The following ANKS1B variants were observed in gnomAD, a reference collection of about 807,000 sequenced individuals.
ANKS1B encodes ankyrin repeat and sterile alpha motif domain containing 1B.
In ANKS1B, 36 loss-of-function variants were observed where a neutral mutation model predicts 148.3. The observed-to-expected ratio is 0.24, with a 90% CI of 0.19 to 0.32. ANKS1B has a LOEUF of 0.32. Ranked by LOEUF, ANKS1B falls within the 10% of genes least tolerant of loss-of-function variation. ANKS1B has a pLI of 1.00. For synonymous variants in ANKS1B, 542 were observed against 560.8 expected (o/e 0.97, Z 0.47); for missense variants, 1,157 against 1,542.6 (o/e 0.75, Z 4.19).
chr12:99,246,001 A>T (rs1167468877), intron 13 of ANKS1B, among the ~76,000 whole-genome samples: 1 of 152,126 alleles, frequency 6.6e-6, no homozygotes, highest in Non-Finnish European at 1.5e-5. Flanking sequence ...ACGAGATGTG[A>T]ATATTCTCTT....
rs77834845 is a variant in ANKS1B, at chr12:99,394,629, C to T, written c.1756+5002G>A. On this transcript the variant is annotated intron_variant, in intron 12 of 26. Coordinates refer to ENST00000683438, the MANE Select transcript of ANKS1B (RefSeq NM_001352186.2). ...TGACAGAGTTGATCCCTCTTTCCTT[C>T]TTAATAACTTTCTTCACCTGACTTC... 3.7e-3 allele frequency among the ~76,000 whole-genome samples: 556 copies of T among 152,236 alleles called. 31 individuals carry two copies. The East Asian group carries it at 0.085, about 23-fold the overall frequency.
chr12:99,068,173 C>T (rs1373545151), intron 16 of ANKS1B, among the ~76,000 whole-genome samples: 2 of 151,982 alleles, frequency 1.3e-5, no homozygotes, highest in East Asian at 3.8e-4. Flanking sequence ...TTCCTACCTT[C>T]CAGGAATATG....
intron 17 of ANKS1B, among the ~76,000 whole-genome samples, chr12:99,004,275 G>A (rs1027303056): frequency 1.3e-5 from 2 of 152,100 alleles, no homozygotes; most frequent in South Asian, 2.1e-4. Flanking sequence ...TCAGCAAAAC[G>A]CTCCTATTAC....
intron 9 of ANKS1B, among the ~76,000 whole-genome samples, chr12:99,570,964 A>T (rs1435872900): frequency 6.6e-6 from 1 of 152,174 alleles, no homozygotes; most frequent in Non-Finnish European, 1.5e-5. Flanking sequence ...AATAGTTCCG[A>T]AATTTATTTT....
intron 12 of ANKS1B, among the ~76,000 whole-genome samples, chr12:99,369,794 ACGGACGGACAGACG>A (rs2093009879): frequency 2.6e-5 from 4 of 151,138 alleles, no homozygotes; most frequent in African/African-American, 9.7e-5. Flanking sequence ...AGATAGATGG[ACGGACGGACAGACG>A]GACGGACGGA....
chr12:99,976,499 T>C (rs1366699), intron 1 of ANKS1B, among the ~76,000 whole-genome samples: 26,223 of 152,064 alleles, frequency 0.17, 2,623 homozygotes, highest in Middle Eastern at 0.26. Flanking sequence ...GTGTGGGAAA[T>C]AGAAACAGGA....
chr12:99,619,709 C>A (rs1295593074), intron 9 of ANKS1B, among the ~76,000 whole-genome samples: 9 of 152,108 alleles, frequency 5.9e-5, no homozygotes, highest in Admixed American at 2.6e-4. Context: ...ATTCTGAGAA[C>A]CTATTCTCCT....
chr12:99,138,009 G>A (rs1313752310), intron 15 of ANKS1B, among the ~76,000 whole-genome samples: 2 of 152,088 alleles, frequency 1.3e-5, no homozygotes, highest in Non-Finnish European at 2.9e-5. Flanking sequence ...TAGAATAGTG[G>A]TGCCTGAAAT....
chr12:98,766,474 C>G (rs921500499), intron 25 of ANKS1B, among the ~76,000 whole-genome samples: 3 of 152,198 alleles, frequency 2.0e-5, no homozygotes, highest in African/African-American at 4.8e-5. Flanking sequence ...GAAGAGTAAC[C>G]AGGGAAAGTG....
At chr12:99,844,764 T>G (rs1262198108) in intron 1 of ANKS1B, among the ~76,000 whole-genome samples, 2 of 152,182 alleles carry the variant, frequency 1.3e-5, no homozygotes, top group African/African-American at 4.8e-5. Flanking sequence ...TTTTTCTAAT[T>G]CTATGAAGAA....
rs1207208034 is a variant in ANKS1B, at chr12:98,973,374, C to G, written c.2778+79783G>C. ...TGTTTTAAGGTATTTCCACCTGTAT[C>G]TTTCTTGGGGCAGGTAAATGAAACT... On this transcript the variant is annotated intron_variant, in intron 17 of 26. Transcript: ENST00000683438. Among the ~76,000 whole-genome samples the G allele has an allele frequency of 2.6e-5, 4 of 152,176 alleles. No homozygotes were observed. In the East Asian group the frequency reaches 7.7e-4, roughly 29 times the overall value.
intron 15 of ANKS1B, among the ~76,000 whole-genome samples, chr12:99,146,438 G>A (rs1254380505): frequency 1.3e-5 from 2 of 152,126 alleles, no homozygotes. Flanking sequence ...ACAATGATAC[G>A]CAATTAGGTG....
intron 8 of ANKS1B, among the ~76,000 whole-genome samples, chr12:99,666,756 C>A (rs1354834801): frequency 6.6e-6 from 1 of 151,848 alleles, no homozygotes; most frequent in African/African-American, 2.4e-5. Context: ...CAAAACTGTA[C>A]ATATTTAAGG....
chr12:99,701,379 T>A (rs1030534195), intron 8 of ANKS1B, among the ~76,000 whole-genome samples: 12 of 152,298 alleles, frequency 7.9e-5, no homozygotes, highest in East Asian at 3.9e-4. Flanking sequence ...CTGCTTTTTT[T>A]AAATCTTGTA....
At chr12:99,360,810 T>G (rs1379136068) in intron 12 of ANKS1B, among the ~76,000 whole-genome samples, 1 of 152,062 alleles carries the variant, frequency 6.6e-6, no homozygotes, top group Non-Finnish European at 1.5e-5. Flanking sequence ...CCATTAAGAT[T>G]TTGCGGTTTA....
At chr12:99,046,539 C>A (rs1333920948) in intron 17 of ANKS1B, among the ~76,000 whole-genome samples, 1 of 151,828 alleles carries the variant, frequency 6.6e-6, no homozygotes, top group Non-Finnish European at 1.5e-5. Flanking sequence ...GTGGCTCATG[C>A]CTGTAATCCC....
At chr12:99,327,351 CATATT>C (rs895036653) in intron 12 of ANKS1B, among the ~76,000 whole-genome samples, 3 of 103,060 alleles carry the variant, frequency 2.9e-5, no homozygotes, top group Admixed American at 1.1e-4. Context: ...ATTATAATTA[CATATT>C]ATATATAATT....
At position 99,406,920 on chromosome 12, in the gene ANKS1B, T is replaced by C. The variant is rs1053657512; in HGVS notation, c.1576-7109A>G. 4.1e-5 allele frequency among the ~76,000 whole-genome samples: 6 copies of C among 145,832 alleles called. 1 individual carries two copies. The highest frequency in any genetic ancestry group is 6.1e-5 in the Non-Finnish European group (4 of 66,010). ...CAGCAAAGAAAAGCCCAGGATCTGA[T>C]GGCTTCACTGCTGAATTCTACCAAA... On this transcript the variant is annotated intron_variant, in intron 11 of 26. Transcript: ENST00000683438.
chr12:99,747,887 T>C (rs2060744921), intron 8 of ANKS1B, among the ~76,000 whole-genome samples: 2 of 152,014 alleles, frequency 1.3e-5, no homozygotes, highest in Non-Finnish European at 2.9e-5. Context: ...AAAGAATCCA[T>C]CCAAAAGAAA....
Sources: allele counts gnomAD v4.1 joint callset (sites outside exome capture counted in the v4.1 genomes callset), GRCh38; gene constraint gnomAD v4.1.1; transcripts MANE v1.5; gene names NCBI Gene and HGNC (gene_info 2026-07-23, HGNC 2026-07-21).